ANKRD35: variants seen among roughly 807,000 people sequenced by gnomAD.
ANKRD35 encodes ankyrin repeat domain 35.
Under a neutral mutation model 109.9 loss-of-function variants are expected in ANKRD35, and 102 were observed. The observed-to-expected ratio is 0.93, with a 90% confidence interval of 0.79 to 1.09. ANKRD35 has a LOEUF of 1.09. Ranked by LOEUF, ANKRD35 falls within the 50% of genes least tolerant of loss-of-function variation. The pLI is 0.00. For missense variants in ANKRD35, 1,240 were observed against 1,230.1 expected (o/e 1.01, Z -0.12); for synonymous variants, 515 against 512.4 (o/e 1.01, Z -0.07).
rs587673559 is a variant in ANKRD35 at position 145,878,619 on chromosome 1, A to G, written c.171-140T>C. The G allele has an allele frequency of 1.6e-4, 115 of 736,874 alleles. No homozygotes were observed. The African/African-American group carries it at 1.9e-3, about 12-fold the overall frequency. 45.6% of individuals were successfully genotyped at this position (736,874 alleles called of 1,614,324 possible). A position where few individuals can be genotyped will look rare whatever the true frequency, so the allele number is the denominator to read the frequency against. On this transcript the variant is annotated intron_variant, in intron 2 of 13. Coordinates refer to ENST00000355594, the MANE Select transcript of ANKRD35 (RefSeq NM_144698.5). ...AGGAAAAGAAGCTCCCCTAGCTTGA[A>G]TTTCTGAGAAAGAGAAGTCTATATG...
At chr1:145,877,506 C>T (rs587704349) in intron 4 of ANKRD35, among the ~76,000 whole-genome samples, 1 of 152,196 alleles carries the variant, frequency 6.6e-6, no homozygotes, top group East Asian at 1.9e-4. Context: ...TCTGGGATTA[C>T]AGGCATGAGC....
At chr1:145,874,231 G>T (rs782069096) in intron 8 of ANKRD35, 39 bp from the exon 9 acceptor site, 1 of 1,605,532 alleles carries the variant, frequency 6.2e-7, no homozygotes, top group Non-Finnish European at 8.5e-7. Context: ...AGAGAAGACA[G>T]GTTCCATGTA....
intron 6 of ANKRD35, 86 bp from the exon 7 acceptor site, chr1:145,876,332 G>T: frequency 3.7e-6 from 5 of 1,345,610 alleles, no homozygotes; most frequent in Non-Finnish European, 3.1e-6. Flanking sequence ...CCTCACACCT[G>T]TCCAAAAAAA....
At chr1:145,881,252 T>G (rs1232254939) in intron 1 of ANKRD35, among the ~76,000 whole-genome samples, 1 of 152,116 alleles carries the variant, frequency 6.6e-6, no homozygotes, top group Non-Finnish European at 1.5e-5. Context: ...ACCATTGCAC[T>G]CCAGTCTGGG....
At chr1:145,875,567 A>T (rs1348283094) in intron 7 of ANKRD35, among the ~76,000 whole-genome samples, 1 of 150,644 alleles carries the variant, frequency 6.6e-6, no homozygotes, top group African/African-American at 2.4e-5. Context: ...TTTTTTTGAG[A>T]CGGAGTCTCG....
At chr1:145,882,296 C>CTT (rs57073568) in intron 1 of ANKRD35, among the ~76,000 whole-genome samples, 64 of 103,532 alleles carry the variant, frequency 6.2e-4, no homozygotes, top group African/African-American at 1.8e-3. Context: ...TCTTTCTTTC[C>CTT]TTTTTTTTTT....
rs10910822 is a variant in ANKRD35, at chr1:145,878,509, G to T, written c.171-30C>A. 2.2e-4 allele frequency: 344 copies of T among 1,546,780 alleles called. No individual in the cohort carries two copies. In the East Asian group the frequency reaches 7.8e-3, roughly 35 times the overall value. ...CAGAATCAAGGCCGAGAGGCCAAAG[G>T]ATAAAGGGACCAGGGATGAGGAATG... On this transcript the variant is annotated intron_variant, in intron 2 of 13. Transcript: ENST00000355594.
chr1:145,878,183 G>T, intron 3 of ANKRD35, 151 bp from the exon 4 acceptor site: 2 of 921,556 alleles, frequency 2.2e-6, no homozygotes, highest in Non-Finnish European at 3.5e-6. Context: ...TTCCCCAAGT[G>T]CCTGGTACCT....
chr1:145,872,919 AT>A lies in ANKRD35; in HGVS notation c.1849del (p.Met617CysfsTer4), dbSNP rs1559173204. ...ACTGTTGCTCAGTCTCAGTACTGACATCTCCTTCTCCAGCTGTCCCTTTGCC... is the reference window on the plus strand; with the variant it reads ...ACTGTTGCTCAGTCTCAGTACTGACACTCCTTCTCCAGCTGTCCCTTTGCC... ...GLAKGQLEKEMSVLRLSNSNL... is the reference protein window; with the variant it reads ...GLAKGQLEKEXSVLRLSNSNL... On this transcript the variant is annotated frameshift_variant, in exon 10 of 14. Coordinates refer to ENST00000355594, the MANE Select transcript of ANKRD35 (RefSeq NM_144698.5). LOFTEE classifies it high-confidence loss of function. 1 of 1,613,172 alleles carries A rather than the reference AT, an allele frequency of 6.2e-7. No homozygotes were observed. Among genetic ancestry groups the A allele is most frequent in the Non-Finnish European group, 8.5e-7 (1 of 1,179,350 alleles).
intron 1 of ANKRD35, 139 bp downstream of exon 1, chr1:145,885,581 C>A (rs1553741742): frequency 2.0e-6 from 2 of 1,023,170 alleles, no homozygotes; most frequent in South Asian, 1.4e-5. Flanking sequence ...GCAAAGCTGG[C>A]GGGCTTCCTT....
rs150298436 is a variant in ANKRD35, at chr1:145,873,885, G to A, written c.884C>T (p.Ser295Leu). Reference sequence around the variant, plus strand: ...TTCATACTTCCACCTCCACTCCTCCGAGCACGGGTCTTCATCCTCCTTCTC... The same window carrying A: ...TTCATACTTCCACCTCCACTCCTCCAAGCACGGGTCTTCATCCTCCTTCTC... ...QEEKEDEDPC[S>L]EEWRWKYEEE... The change falls in exon 10 of 14, where the codon TCG becomes TTG. Residue 295 changes from serine to leucine, a missense_variant. By Grantham distance (145) the Ser-to-Leu change is moderately radical. Transcript: ENST00000355594. The A allele has an allele frequency of 2.2e-5, 36 of 1,614,050 alleles. No individual in the cohort carries two copies. The highest frequency in any genetic ancestry group is 1.7e-4 in the African/African-American group (13 of 75,040).
intron 3 of ANKRD35, 129 bp downstream of exon 3, chr1:145,878,262 G>A: frequency 9.3e-7 from 1 of 1,070,076 alleles, no homozygotes; most frequent in Non-Finnish European, 1.4e-6. Flanking sequence ...GAAGGATGCT[G>A]GCCAGAACTT....
At chr1:145,867,099 C>T (rs1653633654) in intron 13 of ANKRD35, among the ~76,000 whole-genome samples, 188 bp downstream of exon 13, 1 of 152,170 alleles carries the variant, frequency 6.6e-6, no homozygotes, top group South Asian at 2.1e-4. Flanking sequence ...CACCTGCTCA[C>T]TGATTCCTGA....
chr1:145,868,392 C>G lies in ANKRD35; in HGVS notation c.2796G>C (p.Glu932Asp), dbSNP rs781879972. ...ACRDKEAKIKELLKKLEQLSE... is the reference protein window; with the variant it reads ...ACRDKEAKIKDLLKKLEQLSE... Reference sequence around the variant, plus strand: ...AAAGCTGCTCCAGCTTCTTCAACAACTCCTTGATCTGAGGCCAAGAGGAAA... The same window carrying G: ...AAAGCTGCTCCAGCTTCTTCAACAAGTCCTTGATCTGAGGCCAAGAGGAAA... The change falls in exon 11 of 14, where the codon GAG becomes GAC. Residue 932 changes from glutamate to aspartate, a missense_variant. Coordinates refer to ENST00000355594, the MANE Select transcript of ANKRD35 (RefSeq NM_144698.5). 2.5e-6 allele frequency: 4 copies of G among 1,614,238 alleles called. No homozygotes were observed. The highest frequency in any genetic ancestry group is 2.2e-5 in the South Asian group (2 of 91,086).
chr1:145,874,023 G>A lies in ANKRD35; in HGVS notation c.784-38C>T, dbSNP rs368898525. On this transcript the variant is annotated intron_variant, in intron 9 of 13. Coordinates refer to ENST00000355594, the MANE Select transcript of ANKRD35 (RefSeq NM_144698.5). ...CAGAATAGTAAAGTGTGGCCACTAGGCAACGAACTGAGCCCTAGGAGTGCC... is the reference window on the plus strand; with the variant it reads ...CAGAATAGTAAAGTGTGGCCACTAGACAACGAACTGAGCCCTAGGAGTGCC... The A allele has an allele frequency of 2.9e-4, 471 of 1,611,800 alleles. 1 individual carries two copies. The highest frequency in any genetic ancestry group is 3.5e-4 in the Non-Finnish European group (411 of 1,178,830).
At chr1:145,875,774 T>A in intron 7 of ANKRD35, among the ~76,000 whole-genome samples, 1 of 151,730 alleles carries the variant, frequency 6.6e-6, no homozygotes, top group East Asian at 2.0e-4. Flanking sequence ...GGTCTCAATC[T>A]CTTGACCTCG....
intron 1 of ANKRD35, among the ~76,000 whole-genome samples, chr1:145,879,948 G>GC (rs1491336888): frequency 6.6e-6 from 1 of 152,142 alleles, no homozygotes. Flanking sequence ...TTGGCTTTGG[G>GC]CCCCACAGTT....
At chr1:145,879,514 A>T in intron 1 of ANKRD35, 126 bp from the exon 2 acceptor site, 6 of 1,135,774 alleles carry the variant, frequency 5.3e-6, no homozygotes, top group Non-Finnish European at 7.0e-6. Context: ...CACAAGTCAC[A>T]CATCCTAGAT....
chr1:145,871,164 T>C (rs1212864054), intron 10 of ANKRD35, among the ~76,000 whole-genome samples: 8 of 118,866 alleles, frequency 6.7e-5, no homozygotes, highest in African/African-American at 9.3e-5. Context: ...TTTTTTTTTT[T>C]TTTTTTTTTT....
Sources: gnomAD v4.1 joint callset for allele counts (sites outside exome capture counted in the v4.1 genomes callset) on GRCh38, gnomAD v4.1.1 for gene constraint, MANE v1.5 for transcripts, NCBI Gene and HGNC (gene_info 2026-07-23, HGNC 2026-07-21) for gene names.